PCDHGA1: variants seen among roughly 807,000 people sequenced by gnomAD.
PCDHGA1 encodes protocadherin gamma-A1.
PCDHGA1 carries 32 observed loss-of-function variants against 58.0 expected under a neutral mutation model. That is an observed-to-expected ratio of 0.55 (90% confidence interval 0.42 to 0.74). PCDHGA1 has a LOEUF of 0.74. Among genes scored for constraint, PCDHGA1 ranks in the 30% least tolerant of loss-of-function variants. PCDHGA1 has a pLI of 0.00. For synonymous variants in PCDHGA1, 498 were observed against 501.1 expected, an observed-to-expected ratio of 0.99 and a Z score of 0.08; for missense variants, 1,205 against 1,182.3, an observed-to-expected ratio of 1.02 and a Z score of -0.28.
At chr5:141,427,120 TC>T (rs1212765591) in intron 1 of PCDHGA1, 1 of 457,342 alleles carries the variant, frequency 2.2e-6, no homozygotes, top group African/African-American at 2.0e-5. Context: ...ACCTACTCTT[TC>T]AAATCCCTAC....
rs774682943 is a variant in PCDHGA1 at position 141,493,841 on chromosome 5, T to G, written c.2422-966T>G. Among the ~76,000 whole-genome samples the G allele has an allele frequency of 3.3e-5, 5 of 152,024 alleles. No homozygotes were observed. Among genetic ancestry groups the G allele is most frequent in the Non-Finnish European group, 7.4e-5 (5 of 68,010 alleles). On this transcript the variant is annotated intron_variant, in intron 1 of 3. Transcript: ENST00000517417. This position sits in a 1 kb window ranked among gnomAD's most constrained non-coding sequence, Gnocchi z 4.3. The stretch of plus-strand genomic sequence containing the variant: ...CTCTGCTTCTGGGAGCAAGTATGAG[T>G]ATTAATTACCAGCCCACCCCAGAAC...
At chr5:141,399,382 A>G in intron 1 of PCDHGA1, 1 of 1,614,000 alleles carries the variant, frequency 6.2e-7, no homozygotes, top group Non-Finnish European at 8.5e-7. Context: ...TGTCACCATC[A>G]CAGCCACAGA....
At chr5:141,392,871 C>T (rs2092620267) in intron 1 of PCDHGA1, 2 of 1,613,280 alleles carry the variant, frequency 1.2e-6, no homozygotes, top group Admixed American at 1.7e-5. Flanking sequence ...GTGCGCGCTG[C>T]TGGGAACGCT....
At chr5:141,362,712 C>G (rs1588580103) in intron 1 of PCDHGA1, 1 of 928,800 alleles carries the variant, frequency 1.1e-6, no homozygotes, top group African/African-American at 1.7e-5. Context: ...TAAGTGTTTT[C>G]TCTCTGAAGT....
intron 1 of PCDHGA1, chr5:141,340,417 C>A (rs745593461): frequency 1.2e-6 from 2 of 1,614,198 alleles, no homozygotes; most frequent in South Asian, 2.2e-5. Flanking sequence ...CCGACAGCAA[C>A]GACAATGCTC....
chr5:141,376,156 G>C, intron 1 of PCDHGA1: 2 of 1,614,074 alleles, frequency 1.2e-6, no homozygotes, highest in South Asian at 1.1e-5. Context: ...ACCTCACTCT[G>C]TACCTGGTGG....
At position 141,330,572 on chromosome 5, in the gene PCDHGA1, C is replaced by A; in HGVS notation, c.-113C>A. ...GTCCAAGACTGCCTAAATCCTACTT[C>A]TGGATGACTCTCCAGTCAGAATTCT... On this transcript the variant is annotated 5_prime_UTR_variant, in exon 1 of 4. The change creates a new upstream start codon in the 5' untranslated region. Transcript: ENST00000517417. 8.6e-7 allele frequency: 1 copy of A among 1,168,114 alleles called. No homozygotes were observed. The highest frequency in any genetic ancestry group is 2.4e-5 in the East Asian group (1 of 42,314). The allele number at this position is 1,168,114 out of a possible 1,614,324, so 72.4% of individuals were successfully genotyped here. A position where few individuals can be genotyped will look rare whatever the true frequency, so the allele number is the denominator to read the frequency against.
chr5:141,345,155 A>C, intron 1 of PCDHGA1: 1 of 1,614,040 alleles, frequency 6.2e-7, no homozygotes, highest in Non-Finnish European at 8.5e-7. Flanking sequence ...TGCATGACCG[A>C]GATTCTGGGC....
At chr5:141,397,961 G>A in intron 1 of PCDHGA1, 1 of 1,038,400 alleles carries the variant, frequency 9.6e-7, no homozygotes, top group Non-Finnish European at 1.4e-6. Context: ...CCCCAGCTCA[G>A]ACTCCCCAGC....
intron 1 of PCDHGA1, among the ~76,000 whole-genome samples, chr5:141,465,904 C>T (rs1364574558): frequency 2.0e-5 from 3 of 152,046 alleles, no homozygotes; most frequent in Admixed American, 6.5e-5. Context: ...GGGCAAATCA[C>T]GAGGTCAGGA....
At chr5:141,419,114 A>G in intron 1 of PCDHGA1, 1 of 1,613,926 alleles carries the variant, frequency 6.2e-7, no homozygotes. Flanking sequence ...CCCAGAGTAC[A>G]ACGTCACCAT....
intron 1 of PCDHGA1, chr5:141,355,505 G>T: frequency 6.2e-7 from 1 of 1,614,044 alleles, no homozygotes; most frequent in Non-Finnish European, 8.5e-7. Flanking sequence ...TCTCCAAACT[G>T]TGTGACAAAC....
intron 1 of PCDHGA1, among the ~76,000 whole-genome samples, chr5:141,458,412 G>A (rs2098945236): frequency 6.6e-6 from 1 of 152,034 alleles, no homozygotes; most frequent in Non-Finnish European, 1.5e-5. Context: ...ACGGAGCGGG[G>A]GTTCCAAAGC....
chr5:141,419,523 G>T (rs553587727), intron 1 of PCDHGA1: 21 of 1,612,086 alleles, frequency 1.3e-5, no homozygotes, highest in East Asian at 2.2e-5. Flanking sequence ...GTGGGCGACC[G>T]TAACGACAAC....
In PCDHGA1 at chr5:141,410,110, C is replaced by G. The variant is rs1361292941; in HGVS notation, c.2421+77005C>G. The G allele has an allele frequency of 6.8e-6, 11 of 1,612,422 alleles. No homozygotes were observed. In the African/African-American group the frequency reaches 1.3e-4, roughly 20 times the overall value. ...CGGCTCGAGCCTTAGGCGACAGGGA[C>G]GCAGCCCGCCAGCGCCTGCTGGTCG... is the stretch of plus-strand genomic sequence containing the variant. On this transcript the variant is annotated intron_variant, in intron 1 of 3. Coordinates refer to ENST00000517417, the MANE Select transcript of PCDHGA1 (RefSeq NM_018912.3).
chr5:141,399,054 G>T (rs76381401), intron 1 of PCDHGA1: 1 of 1,613,694 alleles, frequency 6.2e-7, no homozygotes, highest in South Asian at 1.1e-5. Context: ...AAGAGACCAA[G>T]GAATATTCAA....
intron 1 of PCDHGA1, chr5:141,393,324 CA>C (rs2092729145): frequency 6.2e-7 from 1 of 1,611,096 alleles, no homozygotes; most frequent in African/African-American, 1.4e-5. Context: ...CCAGAGCTAC[CA>C]GCTCAGCCCC....
intron 1 of PCDHGA1, among the ~76,000 whole-genome samples, chr5:141,458,236 C>T (rs6874378): frequency 0.18 from 27,546 of 152,106 alleles, 2,658 homozygotes; most frequent in Admixed American, 0.28. Flanking sequence ...AGTCCATGCA[C>T]CAAAATGATA....
chr5:141,350,812 T>C, intron 1 of PCDHGA1: 1 of 1,614,022 alleles, frequency 6.2e-7, no homozygotes, highest in East Asian at 2.2e-5. Context: ...AAAGTCCTGA[T>C]GGAAGTAAAT....
Sources: allele counts gnomAD v4.1 joint callset (sites outside exome capture counted in the v4.1 genomes callset), GRCh38; gene constraint gnomAD v4.1.1; non-coding constraint Gnocchi (gnomAD v3.1); transcripts MANE v1.5; gene names NCBI Gene and HGNC (gene_info 2026-07-23, HGNC 2026-07-21).